Variants in REEP3 observed in about 807,000 individuals in gnomAD.
The protein encoded by REEP3 is receptor accessory protein 3.
In REEP3, 20 loss-of-function variants were observed where a neutral mutation model predicts 41.3. The ratio of observed to expected loss-of-function variants is 0.48; its 90% confidence interval spans 0.34 to 0.70. The LOEUF (loss-of-function observed/expected upper bound fraction) is 0.70. Among genes scored for constraint, REEP3 ranks in the 30% least tolerant of loss-of-function variants. The pLI is 0.01. For synonymous variants in REEP3, 104 were observed against 101.8 expected, an observed-to-expected ratio of 1.02 and a Z score of -0.13; for missense variants, 271 against 308.8, an observed-to-expected ratio of 0.88 and a Z score of 0.92.
At chr10:63,589,461 A>G (rs1956037379) in intron 2 of REEP3, among the ~76,000 whole-genome samples, 1 of 152,168 alleles carries the variant, frequency 6.6e-6, no homozygotes, top group Non-Finnish European at 1.5e-5. Flanking sequence ...GCACAAGATC[A>G]GAAGACAGGA....
chr10:63,544,161 C>G (rs903250989), intron 1 of REEP3, among the ~76,000 whole-genome samples: 2 of 152,136 alleles, frequency 1.3e-5, no homozygotes, highest in Admixed American at 6.5e-5. Flanking sequence ...TAATATGACT[C>G]TCTTCAGAAA....
rs942331050 is a variant in REEP3 at position 63,571,596 on chromosome 10, C to A, written c.105+5186C>A. 3.9e-5 allele frequency among the ~76,000 whole-genome samples: 6 copies of A among 152,282 alleles called. No homozygotes were observed. In the South Asian group the frequency reaches 1.2e-3, roughly 32 times the overall value. The stretch of plus-strand genomic sequence containing the variant: ...CACCTGATTAATCCAGGATAAACTT[C>A]CCATTTCAAGGTCAGCTGATTAGCA... On this transcript the variant is annotated intron_variant, in intron 2 of 7. Transcript: ENST00000373758.
At chr10:63,608,373 GCATT>G (rs1013815720) in intron 5 of REEP3, among the ~76,000 whole-genome samples, 1 of 152,150 alleles carries the variant, frequency 6.6e-6, no homozygotes, top group Non-Finnish European at 1.5e-5. Flanking sequence ...TATGGAAATG[GCATT>G]TGGTTTTGAC....
At position 63,531,549 on chromosome 10, in the gene REEP3, G is replaced by A. The variant is rs116121292; in HGVS notation, c.32+9972G>A. Among the ~76,000 whole-genome samples, 934 of 152,326 alleles carry A rather than the reference G, an allele frequency of 6.1e-3. 10 individuals are homozygous for A. Among genetic ancestry groups the A allele is most frequent in the African/African-American group, 0.021 (863 of 41,566 alleles). On this transcript the variant is annotated intron_variant, in intron 1 of 7. Transcript: ENST00000373758. ...AAACTGTGCTATCTCATATGGTTAT[G>A]TGTGGCTATTTAAATGTAAATTAAT...
At chr10:63,527,840 T>C (rs1955380758) in intron 1 of REEP3, among the ~76,000 whole-genome samples, 1 of 152,222 alleles carries the variant, frequency 6.6e-6, no homozygotes, top group Admixed American at 6.5e-5. Context: ...TGACCGCCAC[T>C]TGGCCAAACT....
Position 63,598,676 on chromosome 10 carries a change from C to T in REEP3, c.304-494C>T, listed in dbSNP as rs192032663. On this transcript the variant is annotated intron_variant, in intron 4 of 7. Coordinates refer to ENST00000373758, the MANE Select transcript of REEP3 (RefSeq NM_001001330.3). ...GCGGGCACCCATAGTCCCAGCTACTCGGGAGGCTGAGGCAGGAGAATGGCG... is the reference window on the plus strand; with the variant it reads ...GCGGGCACCCATAGTCCCAGCTACTTGGGAGGCTGAGGCAGGAGAATGGCG... 1.6e-3 allele frequency among the ~76,000 whole-genome samples: 243 copies of T among 150,460 alleles called. 2 individuals are homozygous for T. Among genetic ancestry groups the T allele is most frequent in the African/African-American group, 5.7e-3 (235 of 40,962 alleles).
chr10:63,610,525 C>T (rs985391857), intron 6 of REEP3, among the ~76,000 whole-genome samples, 191 bp downstream of exon 6: 1 of 152,014 alleles, frequency 6.6e-6, no homozygotes, highest in African/African-American at 2.4e-5. Context: ...ACATGTATAC[C>T]TGTGTAACAA....
In REEP3 at chr10:63,624,192, AT is replaced by A. The variant is rs2133443284; in HGVS notation, c.*3326del. 6.6e-6 allele frequency: 1 copy of A among 152,196 alleles called. No individual in the cohort carries two copies. The highest frequency in any genetic ancestry group is 1.9e-4 in the East Asian group (1 of 5,188). The allele number at this position is 152,196 out of a possible 1,614,324, so 9.4% of individuals were successfully genotyped here. A position where few individuals can be genotyped will look rare whatever the true frequency, so the allele number is the denominator to read the frequency against. Reference sequence around the variant, plus strand: ...TGTTTTCTTCTTTGTAAGTTGACTCATTTGTGAAGCAATTAGGCAAATTTTG... The same window carrying A: ...TGTTTTCTTCTTTGTAAGTTGACTCATTGTGAAGCAATTAGGCAAATTTTG... On this transcript the variant is annotated 3_prime_UTR_variant, in exon 8 of 8. Transcript: ENST00000373758.
chr10:63,545,427 T>G (rs1007725908), intron 1 of REEP3, among the ~76,000 whole-genome samples: 1 of 152,116 alleles, frequency 6.6e-6, no homozygotes, highest in Non-Finnish European at 1.5e-5. Context: ...CAGGCTGGAG[T>G]GCAGTGGTGC....
At position 63,610,282 on chromosome 10, in the gene REEP3, A is replaced by G. The variant is rs1259322974; in HGVS notation, c.513A>G (p.Gln171=). 6.3e-7 allele frequency: 1 copy of G among 1,581,816 alleles called. No homozygotes were observed. The highest frequency in any genetic ancestry group is 1.2e-5 in the South Asian group (1 of 86,928). ...AGCCTGTGGGACAAAGACCATACCA[A>G]CCTCTACCAGAAGCAAAAAAGAAAA... is the stretch of plus-strand genomic sequence containing the variant. ...GDEPVGQRPY[Q]PLPEAKKKSK... Residue 171 remains glutamine, a synonymous_variant, in exon 6 of 8, where the codon CAA becomes CAG. Coordinates refer to ENST00000373758, the MANE Select transcript of REEP3 (RefSeq NM_001001330.3).
chr10:63,543,981 A>G (rs1955554521), intron 1 of REEP3, among the ~76,000 whole-genome samples: 1 of 152,256 alleles, frequency 6.6e-6, no homozygotes, highest in South Asian at 2.1e-4. Flanking sequence ...TCACACTGCT[A>G]CTTCAAGTAT....
At position 63,579,041 on chromosome 10, in the gene REEP3, T is replaced by TGG. The variant is rs34124994; in HGVS notation, c.105+12640_105+12641dup. 6.0e-3 allele frequency among the ~76,000 whole-genome samples: 824 copies of TGG among 136,956 alleles called. 4 individuals carry two copies. Among genetic ancestry groups the TGG allele is most frequent in the Middle Eastern group, 0.011 (3 of 272 alleles). The allele number at this position is 136,956 out of a possible 152,430, so 89.8% of individuals were successfully genotyped here. A position where few individuals can be genotyped will look rare whatever the true frequency, so the allele number is the denominator to read the frequency against. On this transcript the variant is annotated intron_variant, in intron 2 of 7. Transcript: ENST00000373758. The stretch of plus-strand genomic sequence containing the variant: ...ATATTCTTCACTATGTGTTTTTTTT[T>TGG]GGGGGGGGGGAGATGGAGTCTCTCT...
intron 2 of REEP3, among the ~76,000 whole-genome samples, chr10:63,593,105 A>T (rs545425699): frequency 6.6e-6 from 1 of 152,338 alleles, no homozygotes; most frequent in Admixed American, 6.5e-5. Flanking sequence ...ATTTCACATT[A>T]CAATTGCTTC....
rs148153292 is a variant in REEP3, at chr10:63,527,347, C to T, written c.32+5770C>T. ...ACTTTTCATCTTATCACCCCATTTCCCTCTGTCTCTTTAGAGCAAAAATTC... is the reference window on the plus strand; with the variant it reads ...ACTTTTCATCTTATCACCCCATTTCTCTCTGTCTCTTTAGAGCAAAAATTC... On this transcript the variant is annotated intron_variant, in intron 1 of 7. Coordinates refer to ENST00000373758, the MANE Select transcript of REEP3 (RefSeq NM_001001330.3). Among the ~76,000 whole-genome samples the T allele has an allele frequency of 3.2e-4, 49 of 152,082 alleles. 4 individuals are homozygous for T. In the East Asian group the frequency reaches 8.9e-3, roughly 28 times the overall value.
At chr10:63,531,698 G>A (rs1286289933) in intron 1 of REEP3, among the ~76,000 whole-genome samples, 1 of 152,124 alleles carries the variant, frequency 6.6e-6, no homozygotes, top group African/African-American at 2.4e-5. Flanking sequence ...TCATCGCAGA[G>A]TTCTGTTGAA....
At chr10:63,584,642 G>T (rs1317046245) in intron 2 of REEP3, among the ~76,000 whole-genome samples, 2 of 151,832 alleles carry the variant, frequency 1.3e-5, no homozygotes, top group Non-Finnish European at 2.9e-5. Flanking sequence ...GGAGTGGGGG[G>T]GGAATCATTA....
chr10:63,594,227 ACC>A (rs1956092225), intron 2 of REEP3, among the ~76,000 whole-genome samples: 21 of 89,238 alleles, frequency 2.4e-4, no homozygotes, highest in South Asian at 7.7e-4. Context: ...AAAAAAAAAA[ACC>A]AAAAAAAATT....
At chr10:63,557,134 A>G (rs1183721887) in intron 1 of REEP3, among the ~76,000 whole-genome samples, 1 of 152,180 alleles carries the variant, frequency 6.6e-6, no homozygotes. Context: ...ACTGAGGGAA[A>G]GAGGACTGAT....
intron 1 of REEP3, among the ~76,000 whole-genome samples, chr10:63,523,464 C>T (rs1440983376): frequency 6.6e-6 from 1 of 152,022 alleles, no homozygotes; most frequent in Non-Finnish European, 1.5e-5. Context: ...GAGACCTTGT[C>T]TCCACAAAAA....
Sources: allele counts gnomAD v4.1 joint callset (sites outside exome capture counted in the v4.1 genomes callset), GRCh38; gene constraint gnomAD v4.1.1; transcripts MANE v1.5; gene names NCBI Gene and HGNC (gene_info 2026-07-23, HGNC 2026-07-21).